Variants in LRIG1 observed in about 807,000 individuals in gnomAD.
The protein encoded by LRIG1 is leucine-rich repeats and immunoglobulin-like domains protein 1.
A neutral mutation model predicts 99.2 loss-of-function variants in LRIG1; 48 were observed. That is an observed-to-expected ratio of 0.48 (90% confidence interval 0.38 to 0.62). The LOEUF is 0.62. Among genes scored for constraint, LRIG1 ranks in the 20% least tolerant of loss-of-function variants. The probability of loss-of-function intolerance (pLI) is 0.00; values close to 1 mark genes in which losing one functional copy is unlikely to be tolerated. For synonymous variants in LRIG1, 772 were observed against 596.1 expected, an observed-to-expected ratio of 1.29 and a Z score of -4.30; for missense variants, 1,646 against 1,434.4, an observed-to-expected ratio of 1.15 and a Z score of -2.38.
At chr3:66,389,703 G>C (rs1701540874) in intron 12 of LRIG1, among the ~76,000 whole-genome samples, 1 of 152,118 alleles carries the variant, frequency 6.6e-6, no homozygotes, top group Non-Finnish European at 1.5e-5. Context: ...AAGAAATAGT[G>C]CAACAATAAT....
intron 12 of LRIG1, chr3:66,387,882 G>A (rs35920907): frequency 0.14 from 20,791 of 150,676 alleles, 1,952 homozygotes; most frequent in Non-Finnish European, 0.2. Context: ...AGGATCATGA[G>A]GTCAGGAGAT....
chr3:66,482,952 T>C (rs905424452), intron 1 of LRIG1, among the ~76,000 whole-genome samples: 2 of 152,228 alleles, frequency 1.3e-5, no homozygotes, highest in African/African-American at 4.8e-5. Flanking sequence ...AGTTGTTTTT[T>C]CTTTTGTACT....
chr3:66,440,005 G>A (rs1486452000), intron 3 of LRIG1, among the ~76,000 whole-genome samples: 2 of 149,464 alleles, frequency 1.3e-5, no homozygotes, highest in African/African-American at 5.2e-5. Context: ...CCCTCCACCT[G>A]GTGAGAAAGA....
intron 1 of LRIG1, among the ~76,000 whole-genome samples, chr3:66,485,344 T>A (rs1394578252): frequency 6.6e-6 from 1 of 152,042 alleles, no homozygotes; most frequent in Non-Finnish European, 1.5e-5. Flanking sequence ...ATGCCAAAGA[T>A]TTCAGGCGGT....
At chr3:66,390,700 G>A (rs1701583890) in intron 12 of LRIG1, among the ~76,000 whole-genome samples, 6 of 152,108 alleles carry the variant, frequency 3.9e-5, no homozygotes, top group Admixed American at 3.9e-4. Context: ...TAACACTAAG[G>A]TTATAAAACT....
chr3:66,433,226 C>T (rs1575687403), intron 3 of LRIG1, among the ~76,000 whole-genome samples: 1 of 152,224 alleles, frequency 6.6e-6, no homozygotes, highest in East Asian at 1.9e-4. Context: ...GAGGTTAAGA[C>T]CCTGGTATGA....
chr3:66,435,345 G>A (rs896617392), intron 3 of LRIG1, among the ~76,000 whole-genome samples: 1 of 152,146 alleles, frequency 6.6e-6, no homozygotes, highest in Non-Finnish European at 1.5e-5. Context: ...GATCACTTGA[G>A]GTCAGGAGTT....
At position 66,380,626 on chromosome 3, in the gene LRIG1, T is replaced by A. The variant is rs910810891; in HGVS notation, c.3006A>T (p.Arg1002Ser). The change falls in exon 18 of 19, where the codon AGA becomes AGT. Residue 1002 changes from arginine (R) to serine (S), a missense_variant. Coordinates refer to ENST00000273261, the MANE Select transcript of LRIG1 (RefSeq NM_015541.3). ...GCTTTTTCTTCACAGCCGTCAGCATTCTATCGTGGTTACTGGGGTAGAGCG... is the reference window on the plus strand; with the variant it reads ...GCTTTTTCTTCACAGCCGTCAGCATACTATCGTGGTTACTGGGGTAGAGCG... ...QGSLYPSNHD[R>S]MLTAVKKKPM... 5 of 1,614,032 alleles carry A rather than the reference T, an allele frequency of 3.1e-6. No homozygotes were observed. The East Asian group carries it at 8.9e-5, about 29-fold the overall frequency.
intron 8 of LRIG1, chr3:66,405,703 C>A: frequency 9.1e-7 from 1 of 1,101,404 alleles, no homozygotes; most frequent in Non-Finnish European, 1.1e-6. Flanking sequence ...GCAGAAAGCA[C>A]ATGGAAGAAA....
At position 66,380,705 on chromosome 3, in the gene LRIG1, G is replaced by A. The variant is rs1700995880; in HGVS notation, c.2927C>T (p.Pro976Leu). 1.2e-6 allele frequency: 2 copies of A among 1,614,106 alleles called. No homozygotes were observed. Among genetic ancestry groups the A allele is most frequent in the Admixed American group, 1.7e-5 (1 of 60,012 alleles). ...GGCAGTCCTGCTGCACTGGTGATGT[G>A]GAGAATGCTCTTGGTCACTCCCACC... ...EPGGSDQEHS[P>L]HHQCSRTAAG... The change falls in exon 18 of 19, where the codon CCA (proline) becomes CTA (leucine). Residue 976 changes from proline to leucine, a missense_variant. Pro to Leu is a moderately conservative substitution (Grantham distance 98). Coordinates refer to ENST00000273261, the MANE Select transcript of LRIG1 (RefSeq NM_015541.3).
chr3:66,406,093 A>C, intron 8 of LRIG1: 5 of 985,568 alleles, frequency 5.1e-6, no homozygotes, highest in Non-Finnish European at 6.0e-6. Context: ...GAGAAAAGGA[A>C]CTCTTGTCTC....
intron 1 of LRIG1, among the ~76,000 whole-genome samples, chr3:66,499,464 C>T (rs2106947905): frequency 6.6e-6 from 1 of 152,294 alleles, no homozygotes. Flanking sequence ...CCAGGGAACA[C>T]ACAGGAAGGG....
intron 7 of LRIG1, chr3:66,409,836 T>C: frequency 3.4e-6 from 1 of 297,244 alleles, no homozygotes; most frequent in East Asian, 6.2e-5. Context: ...CCTGGAACTG[T>C]CTCCAAACCC....
chr3:66,381,772 G>T, intron 16 of LRIG1, 141 bp from the exon 17 acceptor site: 1 of 918,348 alleles, frequency 1.1e-6, no homozygotes, highest in Non-Finnish European at 1.6e-6. Flanking sequence ...GGTCTGGCAA[G>T]CAGCGTGTTT....
At chr3:66,476,284 A>AC (rs1700721303) in intron 1 of LRIG1, among the ~76,000 whole-genome samples, 1 of 152,080 alleles carries the variant, frequency 6.6e-6, no homozygotes, top group African/African-American at 2.4e-5. Context: ...AGCAACCAAT[A>AC]CCCAAAGGTA....
At chr3:66,492,278 G>A (rs1010426245) in intron 1 of LRIG1, among the ~76,000 whole-genome samples, 1 of 152,212 alleles carries the variant, frequency 6.6e-6, no homozygotes, top group African/African-American at 2.4e-5. Context: ...AAGAAGTTCA[G>A]TGCAATGTAT....
chr3:66,433,025 T>C (rs1703228349), intron 3 of LRIG1, among the ~76,000 whole-genome samples: 3 of 152,132 alleles, frequency 2.0e-5, no homozygotes. Context: ...CCACCTCTAT[T>C]TATATTTAGG....
intron 1 of LRIG1, among the ~76,000 whole-genome samples, chr3:66,480,484 A>T (rs570523832): frequency 2.0e-4 from 31 of 152,288 alleles, no homozygotes; most frequent in African/African-American, 7.5e-4. Context: ...AAAAAAAAAA[A>T]AGTCCTGTTG....
At position 66,380,594 on chromosome 3, in the gene LRIG1, GC is replaced by G; in HGVS notation, c.3037del (p.Ala1013HisfsTer3). 1 of 1,613,966 alleles carries G rather than the reference GC, an allele frequency of 6.2e-7. No homozygotes were observed. Among genetic ancestry groups the G allele is most frequent in the Non-Finnish European group, 8.5e-7 (1 of 1,179,842 alleles). The stretch of plus-strand genomic sequence containing the variant: ...AAAGTTACCTTTCCCATCTAGAGAT[GC>G]CATTGGCTTTTTCTTCACAGCCGTC... ...MLTAVKKKPM[A>X]SLDGKGDSSW... On this transcript the variant is annotated frameshift_variant, in exon 18 of 19. Transcript: ENST00000273261. LOFTEE classifies it low-confidence loss of function (END_TRUNC).
Sources: allele counts gnomAD v4.1 joint callset (sites outside exome capture counted in the v4.1 genomes callset), GRCh38; gene constraint gnomAD v4.1.1; transcripts MANE v1.5; gene names NCBI Gene and HGNC (gene_info 2026-07-23, HGNC 2026-07-21).